The following FBXW11 variants were observed in gnomAD, a reference collection of about 807,000 sequenced individuals.
FBXW11 encodes the protein F-box and WD repeat domain containing 11.
Under a neutral mutation model 77.6 loss-of-function variants are expected in FBXW11, and 19 were observed. The observed-to-expected ratio is 0.24, with a 90% confidence interval of 0.17 to 0.36. The LOEUF is 0.36. FBXW11 is among the 10% of genes least tolerant of loss of function. The pLI is 1.00. For missense variants in FBXW11, 334 were observed against 704.2 expected (o/e 0.47, Z 5.95); for synonymous variants, 235 against 249.4 (o/e 0.94, Z 0.54).
chr5:172,006,425 G>C, intron 1 of FBXW11, 33 bp downstream of exon 1: 1 of 1,518,600 alleles, frequency 6.6e-7, no homozygotes, highest in Non-Finnish European at 8.9e-7. Flanking sequence ...CCGGACGGAC[G>C]GAAGCACAGA....
intron 2 of FBXW11, among the ~76,000 whole-genome samples, chr5:171,923,431 A>G (rs1357194279): frequency 6.6e-6 from 1 of 152,118 alleles, no homozygotes; most frequent in Non-Finnish European, 1.5e-5. Context: ...TTCCTTTCTT[A>G]TTTATGCTGT....
intron 7 of FBXW11, among the ~76,000 whole-genome samples, chr5:171,886,323 C>T (rs1758870409): frequency 6.9e-6 from 1 of 145,006 alleles, no homozygotes; most frequent in Non-Finnish European, 1.5e-5. Flanking sequence ...ATCGCAAGGA[C>T]AAAAAACCAA....
intron 3 of FBXW11, 138 bp downstream of exon 3, chr5:171,914,205 G>C (rs564619674): frequency 1.5e-5 from 10 of 672,992 alleles, no homozygotes; most frequent in Middle Eastern, 2.4e-4. Flanking sequence ...GATAAATTAG[G>C]GTGGATTCTG....
At chr5:171,871,918 A>T (rs1757774683) in intron 10 of FBXW11, among the ~76,000 whole-genome samples, 2 of 152,238 alleles carry the variant, frequency 1.3e-5, no homozygotes, top group South Asian at 4.1e-4. Flanking sequence ...TAAAACCTTG[A>T]CAATTCCAAT....
At chr5:171,950,924 A>G (rs1314179221) in intron 2 of FBXW11, among the ~76,000 whole-genome samples, 1 of 152,060 alleles carries the variant, frequency 6.6e-6, no homozygotes. Context: ...TTTTAATTTA[A>G]ATGAGGGAAT....
At chr5:171,945,869 T>A (rs1346545685) in intron 2 of FBXW11, among the ~76,000 whole-genome samples, 1 of 152,196 alleles carries the variant, frequency 6.6e-6, no homozygotes, top group Non-Finnish European at 1.5e-5. Flanking sequence ...CCATTTTGAA[T>A]CCCTAACTCC....
At chr5:171,925,032 G>A (rs948327003) in intron 2 of FBXW11, among the ~76,000 whole-genome samples, 1 of 151,746 alleles carries the variant, frequency 6.6e-6, no homozygotes, top group African/African-American at 2.4e-5. Context: ...AGGGCGCTAA[G>A]AGCAGCCCAC....
At chr5:171,931,865 CTCTCTCT>C (rs1762224193) in intron 2 of FBXW11, among the ~76,000 whole-genome samples, 1 of 70,640 alleles carries the variant, frequency 1.4e-5, no homozygotes, top group African/African-American at 8.7e-5. Flanking sequence ...CCCTCCCTCT[CTCTCTCT>C]CTCTCTCTCT....
At chr5:171,951,481 G>A (rs575443458) in intron 2 of FBXW11, among the ~76,000 whole-genome samples, 4 of 152,068 alleles carry the variant, frequency 2.6e-5, no homozygotes, top group South Asian at 4.1e-4. Flanking sequence ...AGGTTGCAGT[G>A]AGCCATGATC....
chr5:171,901,957 G>A (rs1179151349), intron 4 of FBXW11, among the ~76,000 whole-genome samples: 1 of 152,124 alleles, frequency 6.6e-6, no homozygotes, highest in African/African-American at 2.4e-5. Context: ...TGGCAAACAC[G>A]TTAAACGGGT....
At chr5:171,910,335 G>C (rs1029248864) in intron 4 of FBXW11, among the ~76,000 whole-genome samples, 2 of 152,020 alleles carry the variant, frequency 1.3e-5, no homozygotes, top group Non-Finnish European at 2.9e-5. Context: ...CAAAGTGCTG[G>C]GATTACAGCT....
At chr5:171,989,486 G>A (rs1463119798) in intron 1 of FBXW11, among the ~76,000 whole-genome samples, 4 of 152,236 alleles carry the variant, frequency 2.6e-5, no homozygotes, top group Non-Finnish European at 2.9e-5. Flanking sequence ...TCGTCAAAAT[G>A]TTTAACCTGG....
intron 1 of FBXW11, among the ~76,000 whole-genome samples, chr5:171,969,815 C>A (rs1332908719): frequency 6.6e-6 from 1 of 152,112 alleles, no homozygotes; most frequent in Non-Finnish European, 1.5e-5. Flanking sequence ...GATTCTCATG[C>A]CTCAGCCTCC....
At chr5:171,903,669 A>T (rs1280994900) in intron 4 of FBXW11, among the ~76,000 whole-genome samples, 2 of 152,112 alleles carry the variant, frequency 1.3e-5, no homozygotes, top group Admixed American at 1.3e-4. Flanking sequence ...AGCTAATTAC[A>T]GCATCTCACT....
At chr5:172,002,618 G>GAA (rs917192851) in intron 1 of FBXW11, among the ~76,000 whole-genome samples, 3 of 114,850 alleles carry the variant, frequency 2.6e-5, no homozygotes. Flanking sequence ...ATGACAGGAA[G>GAA]AAAAAAAAAA....
At chr5:171,928,919 A>G (rs1296429468) in intron 2 of FBXW11, among the ~76,000 whole-genome samples, 2 of 151,770 alleles carry the variant, frequency 1.3e-5, no homozygotes, top group Non-Finnish European at 2.9e-5. Flanking sequence ...CTAAAAATAC[A>G]AAAATTAGCT....
At chr5:171,921,906 T>C (rs962679910) in intron 2 of FBXW11, among the ~76,000 whole-genome samples, 1 of 151,994 alleles carries the variant, frequency 6.6e-6, no homozygotes, top group Non-Finnish European at 1.5e-5. Flanking sequence ...ACCCAACTAA[T>C]TTTTTAAAAT....
intron 2 of FBXW11, among the ~76,000 whole-genome samples, chr5:171,943,854 A>G: frequency 6.6e-6 from 1 of 152,222 alleles, no homozygotes; most frequent in East Asian, 1.9e-4. Context: ...AGAGCATGCT[A>G]CTAAATTATA....
At chr5:172,001,091 C>A (rs1289221340) in intron 1 of FBXW11, among the ~76,000 whole-genome samples, 1 of 152,190 alleles carries the variant, frequency 6.6e-6, no homozygotes, top group Non-Finnish European at 1.5e-5. Flanking sequence ...ACACCACCCA[C>A]CTCTTCCCCC....
Sources: gnomAD v4.1 joint callset for allele counts (sites outside exome capture counted in the v4.1 genomes callset) on GRCh38, gnomAD v4.1.1 for gene constraint, MANE v1.5 for transcripts, NCBI Gene and HGNC (gene_info 2026-07-23, HGNC 2026-07-21) for gene names.